Variants in DNAH17 observed in about 807,000 individuals in gnomAD.
DNAH17 encodes the protein dynein axonemal heavy chain 17.
DNAH17 carries 376 observed loss-of-function variants against 485.6 expected under a neutral mutation model. That is an observed-to-expected ratio of 0.77 (90% CI 0.71 to 0.84). The LOEUF is 0.84. DNAH17 is among the 40% of genes least tolerant of loss of function. DNAH17 has a pLI of 0.00. For synonymous variants in DNAH17, 3,031 were observed against 2,405.9 expected, an observed-to-expected ratio of 1.26 and a Z score of -7.60; for missense variants, 6,370 against 5,839.3, an observed-to-expected ratio of 1.09 and a Z score of -2.96.
Position 78,543,955 on chromosome 17 carries a change from T to C in DNAH17, c.2434A>G (p.Lys812Glu). 1 of 1,614,014 alleles carries C rather than the reference T, an allele frequency of 6.2e-7. No homozygotes were observed. The highest frequency in any genetic ancestry group is 8.5e-7 in the Non-Finnish European group (1 of 1,179,884). ...NPLFERKDNKKEALLDLDGRI... is the reference protein window; with the variant it reads ...NPLFERKDNKEEALLDLDGRI... ...CCATCCAAGTCTAACAGGGCCTCTT[T>C]CTTATTGTCCTTTCTTTCAAACAGC... The change falls in exon 17 of 81, where the codon AAA becomes GAA. Residue 812 changes from lysine (K) to glutamate (E), a missense_variant. Coordinates refer to ENST00000389840, the MANE Select transcript of DNAH17 (RefSeq NM_173628.4).
At chr17:78,559,339 C>T (rs1333857654) in intron 13 of DNAH17, among the ~76,000 whole-genome samples, 1 of 152,236 alleles carries the variant, frequency 6.6e-6, no homozygotes, top group Non-Finnish European at 1.5e-5. Flanking sequence ...AGCAGCCCAT[C>T]CTCCCCTGTG....
Position 78,567,004 on chromosome 17 carries a change from C to T in DNAH17, c.1447G>A (p.Asp483Asn). ...AACCCTGCCCGAGGACCTACCGAGT[C>T]TCCAGGGTCCAAGGGATCATATTTG... ...DCKYDPLDPG[D>N]SNFDRDYADF... Residue 483 changes from aspartate (D) to asparagine (N), a missense_variant, in exon 10 of 81, where the codon GAC (aspartate) becomes AAC (asparagine). Physicochemically the swap from Asp to Asn is conservative, Grantham distance 23 (BLOSUM62 1). Transcript: ENST00000389840. 6.2e-7 allele frequency: 1 copy of T among 1,610,942 alleles called. No homozygotes were observed. The highest frequency in any genetic ancestry group is 8.5e-7 in the Non-Finnish European group (1 of 1,178,284).
At chr17:78,541,963 G>A (rs960468815) in intron 17 of DNAH17, among the ~76,000 whole-genome samples, 7 of 152,074 alleles carry the variant, frequency 4.6e-5, no homozygotes, top group African/African-American at 1.7e-4. Context: ...GTTCAGTCAA[G>A]TCACTTCCTG....
At chr17:78,473,677 T>C (rs890261535) in intron 54 of DNAH17, among the ~76,000 whole-genome samples, 1 of 151,662 alleles carries the variant, frequency 6.6e-6, no homozygotes, top group Non-Finnish European at 1.5e-5. Context: ...CCGCTGAGGC[T>C]GAGGCTGAGG....
intron 72 of DNAH17, among the ~76,000 whole-genome samples, 186 bp downstream of exon 72, chr17:78,440,865 G>A (rs1032877010): frequency 1.3e-5 from 2 of 152,212 alleles, no homozygotes; most frequent in African/African-American, 2.4e-5. Context: ...ACCTACAAGG[G>A]TCGCAGTTCT....
At chr17:78,491,794 C>T (rs967835550) in intron 42 of DNAH17, among the ~76,000 whole-genome samples, 3 of 152,204 alleles carry the variant, frequency 2.0e-5, no homozygotes, top group Non-Finnish European at 1.5e-5. Flanking sequence ...TGTCCTCCTC[C>T]GACCCTGCAC....
chr17:78,539,217 G>A (rs778705616), intron 18 of DNAH17, among the ~76,000 whole-genome samples: 13 of 152,094 alleles, frequency 8.5e-5, no homozygotes, highest in East Asian at 3.9e-4. Flanking sequence ...GCAACAGAGC[G>A]GGACTCTGTC....
Position 78,574,890 on chromosome 17 carries a change from G to GAGCGTC in DNAH17, c.162_167dup (p.Thr55_Leu56dup), listed in dbSNP as rs1191236150. The GAGCGTC allele has an allele frequency of 1.9e-6, 3 of 1,613,878 alleles. No homozygotes were observed. Among genetic ancestry groups the GAGCGTC allele is most frequent in the African/African-American group, 2.7e-5 (2 of 74,920 alleles). On this transcript the variant is annotated inframe_insertion, in exon 2 of 81. Transcript: ENST00000389840. Reference sequence around the variant, plus strand: ...AGGGTATGATCATGCCGGCTGCATTGAGCGTCAGCACCAGCACCTGGACGT... The same window carrying GAGCGTC: ...AGGGTATGATCATGCCGGCTGCATTGAGCGTCAGCGTCAGCACCAGCACCTGGACGT...
chr17:78,469,854 T>G (rs1450886787), intron 54 of DNAH17, among the ~76,000 whole-genome samples: 1 of 152,064 alleles, frequency 6.6e-6, no homozygotes, highest in Non-Finnish European at 1.5e-5. Flanking sequence ...TCCACTTACA[T>G]GAGGTCCCTA....
chr17:78,558,088 G>A lies in DNAH17; in HGVS notation c.2178+20C>T, dbSNP rs369481276. 36 of 1,607,810 alleles carry A rather than the reference G, an allele frequency of 2.2e-5. No homozygotes were observed. The highest frequency in any genetic ancestry group is 2.7e-5 in the Non-Finnish European group (32 of 1,176,354). ...ACAATACAAAGCTGCATCAGGAATAGTACCGACTCACCAACTCACCTCATT... is the reference window on the plus strand; with the variant it reads ...ACAATACAAAGCTGCATCAGGAATAATACCGACTCACCAACTCACCTCATT... On this transcript the variant is annotated intron_variant, in intron 14 of 80. Transcript: ENST00000389840.
At chr17:78,478,011 TCA>T (rs1568117379) in intron 51 of DNAH17, among the ~76,000 whole-genome samples, 3 of 84,170 alleles carry the variant, frequency 3.6e-5, no homozygotes, top group Admixed American at 1.4e-4. Context: ...ATCATCACCA[TCA>T]TCACCATCAC....
chr17:78,428,417 GTA>G (rs1299165917), intron 77 of DNAH17, 106 bp downstream of exon 77: 18 of 1,344,774 alleles, frequency 1.3e-5, no homozygotes, highest in Middle Eastern at 1.8e-4. Flanking sequence ...GGGGCAGAGT[GTA>G]CCTCACCAGC....
chr17:78,541,344 G>A (rs555928318), intron 17 of DNAH17, among the ~76,000 whole-genome samples: 30 of 144,162 alleles, frequency 2.1e-4, no homozygotes, highest in Middle Eastern at 7.1e-3. Context: ...GGGTGGATGA[G>A]TGGACAGATG....
At position 78,571,649 on chromosome 17, in the gene DNAH17, G is replaced by A; in HGVS notation, c.673C>T (p.Gln225Ter). Reference protein sequence around the residue: ...ALLDGLHPLPQVEFEFWDTRL... With the variant: ...ALLDGLHPLP The stretch of plus-strand genomic sequence containing the variant: ...GTGTCCCAGAACTCGAACTCCACTT[G>A]GGGCAGGGGGTGCAGCCCATCCAGC... Residue 225 changes from glutamine (Q) to a stop codon, truncating the protein, a stop_gained, in exon 4 of 81, where the codon CAA becomes TAA. Coordinates refer to ENST00000389840, the MANE Select transcript of DNAH17 (RefSeq NM_173628.4). LOFTEE classifies it high-confidence loss of function. 1 of 1,613,936 alleles carries A rather than the reference G, an allele frequency of 6.2e-7. No individual in the cohort carries two copies. The highest frequency in any genetic ancestry group is 8.5e-7 in the Non-Finnish European group (1 of 1,179,836).
At chr17:78,496,802 G>A (rs1055268491) in intron 37 of DNAH17, 4 of 151,516 alleles carry the variant, frequency 2.6e-5, no homozygotes, top group Admixed American at 2.0e-4. Context: ...CTCCCGAGTA[G>A]CTGGGACTAC....
chr17:78,457,293 C>A (rs2087849748), intron 62 of DNAH17, among the ~76,000 whole-genome samples: 1 of 152,056 alleles, frequency 6.6e-6, no homozygotes, highest in Admixed American at 6.6e-5. Flanking sequence ...ACTACTTGAA[C>A]CCGGGAGATG....
In DNAH17 at chr17:78,537,507, G is replaced by A. The variant is rs1177150029; in HGVS notation, c.2677-26C>T. 7 of 1,610,168 alleles carry A rather than the reference G, an allele frequency of 4.3e-6. No individual in the cohort carries two copies. The South Asian group carries it at 6.6e-5, about 15-fold the overall frequency. Reference sequence around the variant, plus strand: ...CTGAAAGAGGGGTGGGGTTGGCAGTGGTCAACACCTCTGTCCTCCATCGGA... The same window carrying A: ...CTGAAAGAGGGGTGGGGTTGGCAGTAGTCAACACCTCTGTCCTCCATCGGA... On this transcript the variant is annotated intron_variant, in intron 18 of 80. Coordinates refer to ENST00000389840, the MANE Select transcript of DNAH17 (RefSeq NM_173628.4).
Position 78,453,864 on chromosome 17 carries a change from G to T in DNAH17, c.10407-399C>A, listed in dbSNP as rs547981981. Reference sequence around the variant, plus strand: ...CACCACACCCAACTAGGTTTTTTTTGTTTGTTTGTTTTTTGTTTTTTGTTG... The same window carrying T: ...CACCACACCCAACTAGGTTTTTTTTTTTTGTTTGTTTTTTGTTTTTTGTTG... On this transcript the variant is annotated intron_variant, in intron 64 of 80. Coordinates refer to ENST00000389840, the MANE Select transcript of DNAH17 (RefSeq NM_173628.4). 4.5e-3 allele frequency among the ~76,000 whole-genome samples: 677 copies of T among 151,286 alleles called. 4 individuals are homozygous for T. Among genetic ancestry groups the T allele is most frequent in the African/African-American group, 0.016 (647 of 41,348 alleles).
At chr17:78,461,035 C>G (rs568121869) in intron 58 of DNAH17, among the ~76,000 whole-genome samples, 1 of 151,984 alleles carries the variant, frequency 6.6e-6, no homozygotes, top group Non-Finnish European at 1.5e-5. Flanking sequence ...ATGATGAAGA[C>G]GCTCCCGCTA....
Sources: allele counts gnomAD v4.1 joint callset (sites outside exome capture counted in the v4.1 genomes callset), GRCh38; gene constraint gnomAD v4.1.1; transcripts MANE v1.5; gene names NCBI Gene and HGNC (gene_info 2026-07-23, HGNC 2026-07-21).